Variants in IL1RAPL2 observed in about 807,000 individuals in gnomAD.
IL1RAPL2 encodes interleukin 1 receptor accessory protein like 2, also known as X-linked interleukin-1 receptor accessory protein-like 2.
A neutral mutation model predicts 44.1 loss-of-function variants in IL1RAPL2; 3 were observed. The observed-to-expected ratio is 0.07, with a 90% CI of 0.03 to 0.18. The LOEUF (loss-of-function observed/expected upper bound fraction) is 0.18. Ranked by LOEUF, IL1RAPL2 falls within the 10% of genes least tolerant of loss-of-function variation. IL1RAPL2 has a pLI of 1.00. For missense variants in IL1RAPL2, 391 were observed against 496.4 expected (o/e 0.79, Z 2.02); for synonymous variants, 181 against 178.8 (o/e 1.01, Z -0.10).
chrX:105,271,872 T>C (rs967724368), intron 5 of IL1RAPL2, among the ~76,000 whole-genome samples: 1 of 107,786 alleles, frequency 9.3e-6, no homozygotes, highest in African/African-American at 3.4e-5. Flanking sequence ...ATGCTTGTGA[T>C]TTTTGTACAT....
intron 3 of IL1RAPL2, among the ~76,000 whole-genome samples, chrX:105,205,170 C>A (rs782415972): frequency 4.5e-5 from 5 of 110,826 alleles, no homozygotes; most frequent in African/African-American, 1.6e-4. Context: ...GAGAAAGTGA[C>A]ATACAAACTG....
chrX:105,331,546 AG>A lies in IL1RAPL2; in HGVS notation c.697+64007del, dbSNP rs1271098055. On this transcript the variant is annotated intron_variant, in intron 5 of 10. Coordinates refer to ENST00000372582, the MANE Select transcript of IL1RAPL2 (RefSeq NM_017416.2). ...AGCTAATTTTTGTAAACAGAACAGC[AG>A]GTGGTCTCCTAATTTATCTAAACTC... is the stretch of plus-strand genomic sequence containing the variant. 2.7e-5 allele frequency among the ~76,000 whole-genome samples: 3 copies of A among 111,381 alleles called. No homozygotes were observed. The East Asian group carries it at 8.5e-4, about 32-fold the overall frequency.
chrX:105,740,848 A>T (rs1053758656), intron 8 of IL1RAPL2, among the ~76,000 whole-genome samples, 157 bp downstream of exon 8: 3 of 112,070 alleles, frequency 2.7e-5, no homozygotes, highest in Non-Finnish European at 5.6e-5. Flanking sequence ...GCATATTAGC[A>T]TAAAATACCT....
intron 6 of IL1RAPL2, among the ~76,000 whole-genome samples, chrX:105,703,276 C>T (rs1419972240): frequency 9.0e-6 from 1 of 111,059 alleles, no homozygotes; most frequent in African/African-American, 3.3e-5. Context: ...CAGATATTAC[C>T]AAATGCTCCC....
At chrX:105,520,030 G>A (rs1166209779) in intron 6 of IL1RAPL2, among the ~76,000 whole-genome samples, 1 of 111,784 alleles carries the variant, frequency 8.9e-6, no homozygotes, top group Non-Finnish European at 1.9e-5. Flanking sequence ...TAAATTGGAA[G>A]CTACCCAACG....
chrX:105,321,083 G>A (rs1035947195), intron 5 of IL1RAPL2, among the ~76,000 whole-genome samples: 1 of 111,735 alleles, frequency 8.9e-6, no homozygotes, highest in Non-Finnish European at 1.9e-5. Context: ...CTATGGGTTT[G>A]GGGTGGGGCA....
intron 2 of IL1RAPL2, among the ~76,000 whole-genome samples, chrX:104,661,605 C>T (rs1930401815): frequency 9.1e-6 from 1 of 110,319 alleles, no homozygotes; most frequent in Admixed American, 9.8e-5. Flanking sequence ...CCCTATACCT[C>T]TGTTAATATT....
At chrX:105,678,433 T>C (rs1362249801) in intron 6 of IL1RAPL2, among the ~76,000 whole-genome samples, 2 of 112,014 alleles carry the variant, frequency 1.8e-5, no homozygotes, top group East Asian at 5.6e-4. Flanking sequence ...TATCAAATAC[T>C]AGGTCTTATC....
At chrX:105,179,003 G>T (rs2033503060) in intron 2 of IL1RAPL2, among the ~76,000 whole-genome samples, 1 of 111,653 alleles carries the variant, frequency 9.0e-6, no homozygotes. Context: ...ATTTAATCAA[G>T]TTCTATTTGT....
intron 2 of IL1RAPL2, among the ~76,000 whole-genome samples, chrX:105,126,754 T>C (rs1166640523): frequency 9.0e-6 from 1 of 111,168 alleles, no homozygotes; most frequent in Non-Finnish European, 1.9e-5. Flanking sequence ...TATAGATGTG[T>C]AGGTCAGTAA....
rs986571933 is a variant in IL1RAPL2, at chrX:105,078,386, T to C, written c.83-117089T>C. On this transcript the variant is annotated intron_variant, in intron 2 of 10. Transcript: ENST00000372582. Reference sequence around the variant, plus strand: ...TGCAAATGCTGCTGCCTGATCGTTCTTCTGGAAGTTTTGTCTCAGAGGAGT... The same window carrying C: ...TGCAAATGCTGCTGCCTGATCGTTCCTCTGGAAGTTTTGTCTCAGAGGAGT... Among the ~76,000 whole-genome samples the C allele has an allele frequency of 8.8e-4, 98 of 111,256 alleles. 1 individual carries two copies. Among genetic ancestry groups the C allele is most frequent in the Non-Finnish European group, 1.7e-3 (89 of 52,952 alleles).
At chrX:104,697,287 C>G (rs1023355145) in intron 2 of IL1RAPL2, among the ~76,000 whole-genome samples, 1 of 112,199 alleles carries the variant, frequency 8.9e-6, no homozygotes, top group African/African-American at 3.2e-5. Flanking sequence ...TGGTATATGT[C>G]ACCCTTTGAA....
chrX:104,876,448 G>T (rs768379110), intron 2 of IL1RAPL2, among the ~76,000 whole-genome samples: 42 of 111,105 alleles, frequency 3.8e-4, no homozygotes, highest in Non-Finnish European at 7.4e-4. Context: ...TTATTTTTTC[G>T]TCTTTTCCCA....
intron 2 of IL1RAPL2, among the ~76,000 whole-genome samples, chrX:104,948,392 A>G (rs1185504837): frequency 9.6e-6 from 1 of 104,098 alleles, no homozygotes; most frequent in Admixed American, 1.1e-4. Context: ...CTCTTTTCCT[A>G]ATTGAATACC....
chrX:105,748,888 T>C, intron 8 of IL1RAPL2, 72 bp from the exon 9 acceptor site: 1 of 1,041,359 alleles, frequency 9.6e-7, no homozygotes, highest in South Asian at 2.3e-5. Context: ...ACATCTTATA[T>C]ACTAGAAATA....
chrX:105,159,657 G>A (rs1181792895), intron 2 of IL1RAPL2, among the ~76,000 whole-genome samples: 1 of 111,781 alleles, frequency 8.9e-6, no homozygotes, highest in Non-Finnish European at 1.9e-5. Flanking sequence ...GTAATAGATG[G>A]GGAATTTTAA....
chrX:105,279,624 C>T (rs767361107), intron 5 of IL1RAPL2, among the ~76,000 whole-genome samples: 6 of 111,204 alleles, frequency 5.4e-5, no homozygotes, highest in African/African-American at 2.0e-4. Flanking sequence ...GGACTACAGG[C>T]GTGCACCACC....
chrX:105,616,933 A>G, intron 6 of IL1RAPL2, among the ~76,000 whole-genome samples: 1 of 110,148 alleles, frequency 9.1e-6, no homozygotes, highest in East Asian at 2.9e-4. Context: ...TAGTGACACA[A>G]CCACTTAATC....
At chrX:105,270,424 A>G (rs2034438107) in intron 5 of IL1RAPL2, among the ~76,000 whole-genome samples, 1 of 111,880 alleles carries the variant, frequency 8.9e-6, no homozygotes, top group Non-Finnish European at 1.9e-5. Flanking sequence ...AAGCGACTTC[A>G]ACTAGGGAAA....
Sources: gnomAD v4.1 joint callset for allele counts (sites outside exome capture counted in the v4.1 genomes callset) on GRCh38, gnomAD v4.1.1 for gene constraint, MANE v1.5 for transcripts, NCBI Gene and HGNC (gene_info 2026-07-23, HGNC 2026-07-21) for gene names.